C11orf21: variants seen among roughly 807,000 people sequenced by gnomAD.
The protein encoded by C11orf21 is chromosome 11 open reading frame 21.
A neutral mutation model predicts 15.2 loss-of-function variants in C11orf21; 19 were observed. The ratio of observed to expected loss-of-function variants is 1.25; its 90% CI spans 0.87 to 1.84. C11orf21 has a LOEUF of 1.84. Ranked by LOEUF, C11orf21 falls within the 40% of genes most tolerant of loss-of-function variation. The probability of loss-of-function intolerance (pLI) is 0.00; values close to 1 mark genes in which losing one functional copy is unlikely to be tolerated. For missense variants in C11orf21, 171 were observed against 174.4 expected, an observed-to-expected ratio of 0.98 and a Z score of 0.11; for synonymous variants, 62 against 66.8, an observed-to-expected ratio of 0.93 and a Z score of 0.35.
At chr11:2,302,294 A>T, upstream of C11orf21, 8 of 1,310,738 alleles carry the variant, frequency 6.1e-6, no homozygotes, top group Non-Finnish European at 7.9e-6. Context: ...CAGCACAGGG[A>T]TTATCCCTCC....
In C11orf21 at chr11:2,297,000, AGCATTGGC is replaced by A. The variant is rs1292409623; in HGVS notation, c.*942_*949del. The A allele has an allele frequency of 6.6e-6, 1 of 152,320 alleles. No homozygotes were observed. Among genetic ancestry groups the A allele is most frequent in the Non-Finnish European group, 1.5e-5 (1 of 68,120 alleles). The allele number at this position is 152,320 out of a possible 1,614,324, so 9.4% of individuals were successfully genotyped here. On this transcript the variant is annotated 3_prime_UTR_variant, in exon 4 of 4. Coordinates refer to ENST00000381153, the MANE Select transcript of C11orf21 (RefSeq NM_001329958.2). The surrounding 1 kb of genome is among the most constrained non-coding windows in gnomAD (Gnocchi z 5.6). ...CATGTGAGGGACCCTCAGGCTGGGC[AGCATTGGC>A]TGAGCCCCCACCGCACCTTCCCTCC...
upstream of C11orf21, chr11:2,302,232 G>A (rs978507349): frequency 7.9e-6 from 11 of 1,392,098 alleles, no homozygotes; most frequent in African/African-American, 8.8e-5. Context: ...GGCAGGTCGG[G>A]CAGGAGTGGG....
In C11orf21 at chr11:2,300,630, G is replaced by A. The variant is rs1170969004; in HGVS notation, c.54-17C>T. The A allele has an allele frequency of 1.2e-5, 18 of 1,550,522 alleles. No individual in the cohort carries two copies. The highest frequency in any genetic ancestry group is 1.7e-4 in the Middle Eastern group (1 of 6,012). ...GGCACAGCGCTGGTGTGAGAAGGAG[G>A]CCATCAGGACAGGTCAAGAACCCAG... On this transcript the variant is annotated splice_polypyrimidine_tract_variant and intron_variant, in intron 1 of 3. Coordinates refer to ENST00000381153, the MANE Select transcript of C11orf21 (RefSeq NM_001329958.2).
rs901137471 is a variant in C11orf21 at position 2,301,830 on chromosome 11, G to A, written c.-22C>T. The stretch of plus-strand genomic sequence containing the variant: ...CCATGACTTTCCCCCTCTCAGCGCC[G>A]TCCTCAGTGGCCACACCAAGAACGA... On this transcript the variant is annotated 5_prime_UTR_variant, in exon 1 of 4. The change creates a new upstream start codon in the 5' untranslated region. Coordinates refer to ENST00000381153, the MANE Select transcript of C11orf21 (RefSeq NM_001329958.2). 94 of 1,550,652 alleles carry A rather than the reference G, an allele frequency of 6.1e-5. No homozygotes were observed. Among genetic ancestry groups the A allele is most frequent in the Admixed American group, 9.8e-5 (5 of 50,996 alleles).
upstream of C11orf21, chr11:2,301,993 G>A: frequency 6.7e-7 from 1 of 1,494,660 alleles, no homozygotes. Flanking sequence ...TTCTTCCGGG[G>A]CACCCAGCAG....
At chr11:2,300,489 T>C in intron 2 of C11orf21, 31 bp downstream of exon 2, 1 of 1,406,656 alleles carries the variant, frequency 7.1e-7, no homozygotes, top group East Asian at 2.5e-5. Context: ...CCCCCGCTGG[T>C]GGGGCACAGT....
chr11:2,299,473 G>A lies in C11orf21; in HGVS notation c.382C>T (p.Gln128Ter). ...GKLCPRARRWQPLPS is the reference protein window; with the variant it reads ...GKLCPRARRW ...TCCCTGTCTCAGGAAGGTAGAGGCT[G>A]CCACCTCCTGGCCCGAGGACACAGC... Residue 128 changes from glutamine (Q) to a stop codon, truncating the protein, a stop_gained, in exon 3 of 4, where the codon CAG becomes TAG. Transcript: ENST00000381153. LOFTEE classifies it high-confidence loss of function. 2 of 1,550,250 alleles carry A rather than the reference G, an allele frequency of 1.3e-6. No homozygotes were observed. The highest frequency in any genetic ancestry group is 1.7e-6 in the Non-Finnish European group (2 of 1,146,892).
upstream of C11orf21, chr11:2,302,911 G>A (rs201106606): frequency 1.0e-4 from 161 of 1,613,568 alleles, no homozygotes; most frequent in Admixed American, 3.5e-4. Flanking sequence ...GCTGTCATCC[G>A]CCGAGCGTCC....
chr11:2,299,797 G>A (rs1186719569), intron 2 of C11orf21, 90 bp from the exon 3 acceptor site: 4 of 1,493,454 alleles, frequency 2.7e-6, no homozygotes, highest in Admixed American at 2.0e-5. Flanking sequence ...GTCCCTGGCG[G>A]GTAAACACAT....
intron 1 of C11orf21, chr11:2,301,006 T>C: frequency 1.8e-6 from 1 of 548,344 alleles, no homozygotes; most frequent in Non-Finnish European, 3.3e-6. Flanking sequence ...GGGTGGGAAT[T>C]CCTGGGGGCC....
upstream of C11orf21, chr11:2,303,020 G>A (rs1414911118): frequency 1.7e-5 from 25 of 1,453,960 alleles, no homozygotes; most frequent in African/African-American, 2.8e-5. Flanking sequence ...TGGCTGGCAC[G>A]AGCCCAGCTG....
upstream of C11orf21, chr11:2,303,067 A>T (rs1847859952): frequency 4.0e-6 from 4 of 1,003,680 alleles, no homozygotes; most frequent in Admixed American, 9.5e-5. Context: ...GGCCCTAGGC[A>T]GGAGCCAGAG....
In C11orf21 at chr11:2,297,068, G is replaced by A. The variant is rs1216505913; in HGVS notation, c.*882C>T. On this transcript the variant is annotated 3_prime_UTR_variant, in exon 4 of 4. Transcript: ENST00000381153. ...GTCCTCAGCCTCCGCCCAAGGCAGG[G>A]GGGACACTGCTGGCAACTGGTCACC... The A allele has an allele frequency of 6.6e-6, 1 of 152,436 alleles. No homozygotes were observed. The allele number at this position is 152,436 out of a possible 1,614,324, so 9.4% of individuals were successfully genotyped here. A position where few individuals can be genotyped will look rare whatever the true frequency, so the allele number is the denominator to read the frequency against.
chr11:2,298,975 G>A (rs528627764), intron 3 of C11orf21, among the ~76,000 whole-genome samples: 6 of 152,288 alleles, frequency 3.9e-5, no homozygotes, highest in Admixed American at 1.3e-4. Flanking sequence ...GGGAAGGCCC[G>A]GGCAGCCATG....
chr11:2,301,466 C>T lies in C11orf21; in HGVS notation c.53+290G>A, dbSNP rs868733407. 34 of 336,674 alleles carry T rather than the reference C, an allele frequency of 1.0e-4. No individual in the cohort carries two copies. The Middle Eastern group carries it at 6.0e-3, about 59-fold the overall frequency. The allele number at this position is 336,674 out of a possible 1,614,324, so 20.9% of individuals were successfully genotyped here. Reference sequence around the variant, plus strand: ...ACACGGCTCGGTGTAATTGCAAATTCGAGGTTTACAAAGCCTCCCCCTGGA... The same window carrying T: ...ACACGGCTCGGTGTAATTGCAAATTTGAGGTTTACAAAGCCTCCCCCTGGA... On this transcript the variant is annotated intron_variant, in intron 1 of 3. Coordinates refer to ENST00000381153, the MANE Select transcript of C11orf21 (RefSeq NM_001329958.2).
At chr11:2,301,531 G>C in intron 1 of C11orf21, 1 of 483,872 alleles carries the variant, frequency 2.1e-6, no homozygotes, top group Non-Finnish European at 3.7e-6. Flanking sequence ...GCCCACCCCT[G>C]TGGCCCCAAG....
intron 1 of C11orf21, chr11:2,300,854 G>C: frequency 1.6e-6 from 2 of 1,286,608 alleles, no homozygotes; most frequent in Non-Finnish European, 1.1e-6. Flanking sequence ...GGGGCCTCCT[G>C]CCCCTAGACC....
In C11orf21 at chr11:2,301,768, G is replaced by C. The variant is rs377694959; in HGVS notation, c.41C>G (p.Pro14Arg). 6.5e-7 allele frequency: 1 copy of C among 1,549,176 alleles called. No homozygotes were observed. Among genetic ancestry groups the C allele is most frequent in the Non-Finnish European group, 8.7e-7 (1 of 1,146,688 alleles). ...ACGGGGAGCTCACCTCCTCCTCCCC[G>C]GGCGCCGTCTCCTCCACATCCCACA... ...TWCGMWRRRR[P>R]GRRSAVPRWP... The change falls in exon 1 of 4, where the codon CCG becomes CGG. Residue 14 changes from proline (P) to arginine (R), a missense_variant. Coordinates refer to ENST00000381153, the MANE Select transcript of C11orf21 (RefSeq NM_001329958.2).
chr11:2,302,737 C>T (rs535373219), upstream of C11orf21: 20 of 878,412 alleles, frequency 2.3e-5, no homozygotes, highest in African/African-American at 3.3e-5. Flanking sequence ...GCCTGTCTCT[C>T]ACGGGACCGG....
Sources: allele counts gnomAD v4.1 joint callset (sites outside exome capture counted in the v4.1 genomes callset), GRCh38; gene constraint gnomAD v4.1.1; non-coding constraint Gnocchi (gnomAD v3.1); transcripts MANE v1.5; gene names NCBI Gene and HGNC (gene_info 2026-07-23, HGNC 2026-07-21).